The following RICTOR variants were observed in gnomAD, a reference collection of about 807,000 sequenced individuals.
The protein encoded by RICTOR is RPTOR independent companion of MTOR complex 2.
Under a neutral mutation model 214.9 loss-of-function variants are expected in RICTOR, and 49 were observed. The observed-to-expected ratio is 0.23, with a 90% CI of 0.18 to 0.29. The LOEUF (loss-of-function observed/expected upper bound fraction) is 0.29. Among genes scored for constraint, RICTOR ranks in the 10% least tolerant of loss-of-function variants. The pLI is 1.00. For missense variants in RICTOR, 1,625 were observed against 2,047.0 expected, an observed-to-expected ratio of 0.79 and a Z score of 3.98; for synonymous variants, 717 against 711.3, an observed-to-expected ratio of 1.01 and a Z score of -0.13.
intron 2 of RICTOR, among the ~76,000 whole-genome samples, chr5:39,073,830 G>A (rs1342908498): frequency 1.3e-5 from 2 of 152,160 alleles, no homozygotes; most frequent in Non-Finnish European, 2.9e-5. Context: ...AGCCCAGAGG[G>A]TCGCCGGGTC....
At chr5:38,979,292 G>A (rs140375508) in intron 8 of RICTOR, among the ~76,000 whole-genome samples, 27 of 152,174 alleles carry the variant, frequency 1.8e-4, no homozygotes, top group African/African-American at 5.8e-4. Context: ...TGGGATTACC[G>A]GCTACTTTAG....
At chr5:38,989,963 A>G (rs1462525679) in intron 7 of RICTOR, among the ~76,000 whole-genome samples, 2 of 152,210 alleles carry the variant, frequency 1.3e-5, no homozygotes, top group East Asian at 3.9e-4. Context: ...AGTATCTAGA[A>G]CCAGAAATAC....
chr5:39,067,064 T>C (rs1249682903), intron 2 of RICTOR, among the ~76,000 whole-genome samples: 2 of 152,212 alleles, frequency 1.3e-5, no homozygotes, highest in Non-Finnish European at 2.9e-5. Context: ...AGAGCAATGC[T>C]CCACGCCCAC....
chr5:38,993,128 A>G (rs1003563485), intron 6 of RICTOR, among the ~76,000 whole-genome samples: 1 of 152,184 alleles, frequency 6.6e-6, no homozygotes, highest in African/African-American at 2.4e-5. Flanking sequence ...CTGAAGGCCA[A>G]AGTTGGCAGG....
chr5:39,011,686 T>C (rs185174448), intron 3 of RICTOR, among the ~76,000 whole-genome samples: 8 of 152,234 alleles, frequency 5.3e-5, no homozygotes, highest in Non-Finnish European at 1.0e-4. Flanking sequence ...TCAAGGGAGA[T>C]CATTTTGGAA....
intron 2 of RICTOR, among the ~76,000 whole-genome samples, chr5:39,060,187 C>A (rs1394147650): frequency 1.3e-5 from 2 of 152,066 alleles, no homozygotes; most frequent in Non-Finnish European, 2.9e-5. Context: ...CTGAACTATG[C>A]TATGAGGCAA....
intron 10 of RICTOR, among the ~76,000 whole-genome samples, chr5:38,972,675 A>C (rs539283067): frequency 6.6e-6 from 1 of 152,244 alleles, no homozygotes; most frequent in Non-Finnish European, 1.5e-5. Context: ...AAATAGTGTA[A>C]GTATTTTGGG....
chr5:39,041,470 T>C (rs1757162517), intron 2 of RICTOR, among the ~76,000 whole-genome samples: 1 of 152,172 alleles, frequency 6.6e-6, no homozygotes, highest in African/African-American at 2.4e-5. Flanking sequence ...AATGGCATGA[T>C]CAGTTTTTTG....
intron 7 of RICTOR, among the ~76,000 whole-genome samples, chr5:38,989,287 T>C (rs2150074731): frequency 6.6e-6 from 1 of 152,300 alleles, no homozygotes; most frequent in African/African-American, 2.4e-5. Flanking sequence ...ATTTAATAAA[T>C]GGTGTTAGGA....
intron 7 of RICTOR, among the ~76,000 whole-genome samples, chr5:38,982,243 T>C (rs1751772170): frequency 6.6e-6 from 1 of 152,196 alleles, no homozygotes; most frequent in Non-Finnish European, 1.5e-5. Flanking sequence ...TATCTTTGGA[T>C]TGTCTTTTCA....
At chr5:39,030,038 C>T (rs886342540) in intron 2 of RICTOR, among the ~76,000 whole-genome samples, 1 of 152,038 alleles carries the variant, frequency 6.6e-6, no homozygotes, top group Non-Finnish European at 1.5e-5. Context: ...CAATAATGAC[C>T]TTCCAGAGCT....
intron 2 of RICTOR, among the ~76,000 whole-genome samples, chr5:39,024,224 C>T (rs924663147): frequency 1.3e-5 from 2 of 152,214 alleles, no homozygotes; most frequent in Admixed American, 6.5e-5. Context: ...GCCTGCTGTG[C>T]AGCCCGGTTC....
rs996916109 is a variant in RICTOR at position 38,940,975 on chromosome 5, TTTTCTA to T, written c.*1323_*1328del. On this transcript the variant is annotated 3_prime_UTR_variant, in exon 38 of 38. Coordinates refer to ENST00000357387, the MANE Select transcript of RICTOR (RefSeq NM_152756.5). Reference sequence around the variant, plus strand: ...AAGAATCCTAATCAGTCCAGCTGGATTTTCTATTTCTATTTATATATAGATCTCAAA... The same window carrying T: ...AAGAATCCTAATCAGTCCAGCTGGATTTTCTATTTATATATAGATCTCAAA... 4.3e-5 allele frequency: 10 copies of T among 232,658 alleles called. No individual in the cohort carries two copies. Among genetic ancestry groups the T allele is most frequent in the African/African-American group, 1.8e-4 (8 of 45,308 alleles). 14.4% of individuals were successfully genotyped at this position (232,658 alleles called of 1,614,324 possible).
intron 5 of RICTOR, 131 bp downstream of exon 5, chr5:39,002,404 A>C: frequency 2.0e-6 from 1 of 511,432 alleles, no homozygotes; most frequent in Admixed American, 3.2e-5. Flanking sequence ...GTGTGTGTAT[A>C]TATATATATA....
At chr5:39,041,724 G>T (rs981599569) in intron 2 of RICTOR, among the ~76,000 whole-genome samples, 1 of 152,088 alleles carries the variant, frequency 6.6e-6, no homozygotes, top group African/African-American at 2.4e-5. Flanking sequence ...ACCAGCTGTA[G>T]TAAGCTTATG....
At chr5:39,066,366 A>G (rs1758906609) in intron 2 of RICTOR, among the ~76,000 whole-genome samples, 3 of 152,228 alleles carry the variant, frequency 2.0e-5, no homozygotes, top group Admixed American at 2.0e-4. Flanking sequence ...CCAGGCCCAC[A>G]AAACCATTCT....
chr5:38,993,158 G>A (rs551097961), intron 6 of RICTOR, among the ~76,000 whole-genome samples: 2 of 152,304 alleles, frequency 1.3e-5, no homozygotes, highest in African/African-American at 4.8e-5. Flanking sequence ...AAACTCATGG[G>A]CCAATGTAGG....
chr5:38,944,856 A>G (rs1747999604), intron 35 of RICTOR, 57 bp downstream of exon 35: 4 of 1,515,788 alleles, frequency 2.6e-6, no homozygotes, highest in Non-Finnish European at 3.6e-6. Flanking sequence ...ACAAAACAAA[A>G]CCAACTAATC....
chr5:38,949,650 T>C, intron 31 of RICTOR, 62 bp downstream of exon 31: 1 of 1,429,858 alleles, frequency 7.0e-7, no homozygotes, highest in Non-Finnish European at 9.7e-7. Flanking sequence ...GGCTAACATT[T>C]TGTATTTAAA....
Sources: gnomAD v4.1 joint callset for allele counts (sites outside exome capture counted in the v4.1 genomes callset) on GRCh38, gnomAD v4.1.1 for gene constraint, MANE v1.5 for transcripts, NCBI Gene and HGNC (gene_info 2026-07-23, HGNC 2026-07-21) for gene names.